The following GABRB3 variants were observed in gnomAD, a reference collection of about 807,000 sequenced individuals.
GABRB3 encodes the protein gamma-aminobutyric acid receptor subunit beta-3.
GABRB3 carries 14 observed loss-of-function variants against 52.1 expected under a neutral mutation model. The ratio of observed to expected loss-of-function variants is 0.27; its 90% CI spans 0.18 to 0.42. GABRB3 has a LOEUF of 0.42. GABRB3 is among the 10% of genes least tolerant of loss of function. The probability of loss-of-function intolerance (pLI) is 1.00; values close to 1 mark genes in which losing one functional copy is unlikely to be tolerated. For missense variants in GABRB3, 307 were observed against 609.1 expected (o/e 0.50, Z 5.22); for synonymous variants, 260 against 232.3 (o/e 1.12, Z -1.08).
chr15:26,614,907 T>G (rs963443962), intron 4 of GABRB3: 3 of 152,148 alleles, frequency 2.0e-5, no homozygotes, highest in African/African-American at 7.2e-5. Context: ...TCAGGCAAAA[T>G]ATGGATGTTG....
At chr15:26,653,041 C>T (rs368035695) in intron 3 of GABRB3, among the ~76,000 whole-genome samples, 1 of 152,194 alleles carries the variant, frequency 6.6e-6, no homozygotes, top group Non-Finnish European at 1.5e-5. Flanking sequence ...CTCACCGACT[C>T]CATCTTGCTT....
chr15:26,672,040 T>A (rs1316466634), intron 3 of GABRB3, among the ~76,000 whole-genome samples: 1 of 152,184 alleles, frequency 6.6e-6, no homozygotes, highest in Non-Finnish European at 1.5e-5. Context: ...TTACCCTGTA[T>A]CCTTCTTGTT....
At chr15:26,748,090 A>G (rs1261903652) in intron 3 of GABRB3, among the ~76,000 whole-genome samples, 1 of 151,606 alleles carries the variant, frequency 6.6e-6, no homozygotes, top group African/African-American at 2.4e-5. Flanking sequence ...ATGGCATATA[A>G]TTCCTCTAAG....
intron 3 of GABRB3, among the ~76,000 whole-genome samples, chr15:26,744,981 G>T (rs1420459994): frequency 6.6e-6 from 1 of 152,168 alleles, no homozygotes; most frequent in African/African-American, 2.4e-5. Flanking sequence ...AAGAAGCATG[G>T]TGCTAGAGAG....
chr15:26,772,118 G>A (rs1891163213), intron 3 of GABRB3: 2 of 365,266 alleles, frequency 5.5e-6, no homozygotes, highest in African/African-American at 2.2e-5. Context: ...TGGAGGAGCT[G>A]GGAGCCCACG....
At position 26,748,524 on chromosome 15, in the gene GABRB3, T is replaced by G. The variant is rs111546801; in HGVS notation, c.240+23878A>C. On this transcript the variant is annotated intron_variant, in intron 3 of 8. Coordinates refer to ENST00000311550, the MANE Select transcript of GABRB3 (RefSeq NM_000814.6). ...TATAAAATTGTTCGTGGTATTCCCTTATTTTCTTTTAAGCGTATGTGGGAT... is the reference window on the plus strand; with the variant it reads ...TATAAAATTGTTCGTGGTATTCCCTGATTTTCTTTTAAGCGTATGTGGGAT... Among the ~76,000 whole-genome samples the G allele has an allele frequency of 1.6e-3, 242 of 152,302 alleles. 1 individual carries two copies. Among genetic ancestry groups the G allele is most frequent in the African/African-American group, 5.7e-3 (237 of 41,574 alleles).
chr15:26,736,374 T>C (rs1292799446), intron 3 of GABRB3, among the ~76,000 whole-genome samples: 1 of 152,268 alleles, frequency 6.6e-6, no homozygotes, highest in East Asian at 1.9e-4. Flanking sequence ...AATAACATGA[T>C]AAAATTATAA....
At position 26,547,950 on chromosome 15, in the gene GABRB3, G is replaced by A. The variant is rs369631109; in HGVS notation, c.1265C>T (p.Pro422Leu). The A allele has an allele frequency of 3.3e-5, 53 of 1,613,998 alleles. 1 individual carries two copies. The highest frequency in any genetic ancestry group is 2.5e-4 in the South Asian group (23 of 91,084). Reference protein sequence around the residue: ...HGRFLGDRSLPHKKTHLRRRS... With the variant: ...HGRFLGDRSLLHKKTHLRRRS... ...CCTCCGTAGATGGGTCTTCTTGTGC[G>A]GGAGGCTTCTGTCCCCCAGGAATCG... The change falls in exon 9 of 9, where the codon CCG becomes CTG. Residue 422 changes from proline (P) to leucine (L), a missense_variant. Transcript: ENST00000311550.
At chr15:26,708,585 T>G (rs953136235) in intron 3 of GABRB3, among the ~76,000 whole-genome samples, 1 of 152,158 alleles carries the variant, frequency 6.6e-6, no homozygotes, top group Non-Finnish European at 1.5e-5. Context: ...CTCCAGGGAA[T>G]AGGCGATGAA....
intron 3 of GABRB3, among the ~76,000 whole-genome samples, chr15:26,685,530 T>C (rs1171471779): frequency 6.6e-6 from 1 of 151,938 alleles, no homozygotes; most frequent in Non-Finnish European, 1.5e-5. Flanking sequence ...CATATACGAG[T>C]ACAAAAAAAT....
intron 6 of GABRB3, among the ~76,000 whole-genome samples, chr15:26,575,999 A>T (rs1890577874): frequency 6.6e-6 from 1 of 152,204 alleles, no homozygotes; most frequent in Non-Finnish European, 1.5e-5. Context: ...TAAATTTCAG[A>T]TTTGGCAAAA....
At chr15:26,772,218 G>A (rs942975966) in intron 3 of GABRB3, 184 bp downstream of exon 3, 1 of 506,816 alleles carries the variant, frequency 2.0e-6, no homozygotes, top group Non-Finnish European at 3.4e-6. Context: ...AGGCCCCCGA[G>A]CGCCCGGGGC....
chr15:26,772,353 G>C, intron 3 of GABRB3, 49 bp downstream of exon 3: 1 of 1,524,852 alleles, frequency 6.6e-7, no homozygotes, highest in Non-Finnish European at 9.0e-7. Flanking sequence ...TGTGATCCCA[G>C]ACAGCGGGCC....
chr15:26,568,625 G>T (rs1890272623), intron 6 of GABRB3, among the ~76,000 whole-genome samples: 1 of 147,660 alleles, frequency 6.8e-6, no homozygotes. Context: ...AGCCTCCCGA[G>T]TAGGTGGGAC....
chr15:26,697,544 T>G (rs1888780332), intron 3 of GABRB3, among the ~76,000 whole-genome samples: 1 of 152,080 alleles, frequency 6.6e-6, no homozygotes, highest in South Asian at 2.1e-4. Context: ...AGTCCTCCAG[T>G]GAAGCAGGAC....
Position 26,635,010 on chromosome 15 carries a change from A to ATATATATATATATATATATATAT in GABRB3, c.241-13477_241-13476insATATATATATATATATATATATA, listed in dbSNP as rs10676156. On this transcript the variant is annotated intron_variant, in intron 3 of 8. Coordinates refer to ENST00000311550, the MANE Select transcript of GABRB3 (RefSeq NM_000814.6). ...AATATATATATATATATATATATAT[A>ATATATATATATATATATATATAT]ATATATATATATTTAGAGAGGAAGA... 3.5e-4 allele frequency among the ~76,000 whole-genome samples: 26 copies of ATATATATATATATATATATATAT among 74,856 alleles called. 4 individuals are homozygous for ATATATATATATATATATATATAT. Among genetic ancestry groups the ATATATATATATATATATATATAT allele is most frequent in the East Asian group, 1.4e-3 (4 of 2,866 alleles). 49.1% of individuals were successfully genotyped at this position (74,856 alleles called of 152,430 possible).
At chr15:26,555,993 GAA>G (rs1721547497) in intron 8 of GABRB3, among the ~76,000 whole-genome samples, 1 of 152,102 alleles carries the variant, frequency 6.6e-6, no homozygotes. Context: ...ATTTCCAAGA[GAA>G]AGTCTTTTTC....
At chr15:26,574,486 C>T (rs1259594819) in intron 6 of GABRB3, among the ~76,000 whole-genome samples, 1 of 152,098 alleles carries the variant, frequency 6.6e-6, no homozygotes, top group African/African-American at 2.4e-5. Context: ...AGCCTTATAG[C>T]TAGTAGCCCA....
At chr15:26,770,441 G>A (rs1034065219) in intron 3 of GABRB3, among the ~76,000 whole-genome samples, 3 of 152,176 alleles carry the variant, frequency 2.0e-5, no homozygotes, top group Non-Finnish European at 4.4e-5. Flanking sequence ...CTCTTACTGG[G>A]TTCAGAGAAA....
Sources: allele counts gnomAD v4.1 joint callset (sites outside exome capture counted in the v4.1 genomes callset), GRCh38; gene constraint gnomAD v4.1.1; transcripts MANE v1.5; gene names NCBI Gene and HGNC (gene_info 2026-07-23, HGNC 2026-07-21).